The following CEP104 variants were observed in gnomAD, a reference collection of about 807,000 sequenced individuals.
CEP104 encodes the protein centrosomal protein of 104 kDa.
Under a neutral mutation model 113.3 loss-of-function variants are expected in CEP104, and 84 were observed. The observed-to-expected ratio is 0.74, with a 90% confidence interval of 0.62 to 0.89. The LOEUF (loss-of-function observed/expected upper bound fraction) is 0.89, where lower values mean the gene tolerates loss of function less well. Among genes scored for constraint, CEP104 ranks in the 40% least tolerant of loss-of-function variants. The pLI, the probability that CEP104 is intolerant of heterozygous loss-of-function variation, is 0.00. For missense variants in CEP104, 1,053 were observed against 1,156.6 expected (o/e 0.91, Z 1.30); for synonymous variants, 378 against 421.7 (o/e 0.90, Z 1.27).
intron 15 of CEP104, among the ~76,000 whole-genome samples, chr1:3,828,565 G>T (rs1049884265): frequency 1.3e-5 from 2 of 152,092 alleles, no homozygotes; most frequent in African/African-American, 4.8e-5. Context: ...ATAGCTCTGC[G>T]TGCACTGTGC....
chr1:3,855,665 T>G (rs187172732), intron 1 of CEP104, among the ~76,000 whole-genome samples: 39 of 152,346 alleles, frequency 2.6e-4, no homozygotes, highest in Admixed American at 1.6e-3. Flanking sequence ...GTCTGGTATT[T>G]GAAAAGGATT....
At chr1:3,846,626 C>T (rs2124689375) in intron 4 of CEP104, among the ~76,000 whole-genome samples, 1 of 152,206 alleles carries the variant, frequency 6.6e-6, no homozygotes, top group Middle Eastern at 3.4e-3. Flanking sequence ...TAAATACATG[C>T]AGGTGGGTGG....
At chr1:3,851,414 T>C (rs1285106020) in intron 2 of CEP104, among the ~76,000 whole-genome samples, 1 of 152,180 alleles carries the variant, frequency 6.6e-6, no homozygotes, top group Non-Finnish European at 1.5e-5. Flanking sequence ...TAAAATGCCA[T>C]ACATATTTAC....
In CEP104 at chr1:3,838,951, C is replaced by T; in HGVS notation, c.891+13G>A. 1.9e-6 allele frequency: 3 copies of T among 1,613,864 alleles called. No homozygotes were observed. The highest frequency in any genetic ancestry group is 1.7e-6 in the Non-Finnish European group (2 of 1,179,946). ...TAGGCTTTCCTCCACTCCGTCTGGG[C>T]TCCTGCACCCACCAGCTCGGCATCC... is the stretch of plus-strand genomic sequence containing the variant. On this transcript the variant is annotated intron_variant, in intron 8 of 21. Coordinates refer to ENST00000378230, the MANE Select transcript of CEP104 (RefSeq NM_014704.4).
chr1:3,839,800 T>C (rs773025004), intron 6 of CEP104, 24 bp from the exon 7 acceptor site: 3 of 1,597,730 alleles, frequency 1.9e-6, no homozygotes, highest in Non-Finnish European at 2.6e-6. Context: ...ATGCATATTT[T>C]AGAGATAATT....
Position 3,834,953 on chromosome 1 carries a change from C to A in CEP104, c.1457G>T (p.Arg486Ile). The A allele has an allele frequency of 6.2e-7, 1 of 1,602,410 alleles. No homozygotes were observed. Among genetic ancestry groups the A allele is most frequent in the Middle Eastern group, 1.7e-4 (1 of 6,054 alleles). The change falls in exon 11 of 22, where the codon AGA becomes ATA. Residue 486 changes from arginine (R) to isoleucine (I), a missense_variant. Arg to Ile is a moderately conservative substitution (Grantham distance 97). Transcript: ENST00000378230. ...GGTCACAATGTCCTTTATGGCTCTT[C>A]TAACGAGAAAGACGGATGCTCTCAG... ...NTLRASVFLVRRAIKDIVTSV... is the reference protein window; with the variant it reads ...NTLRASVFLVIRAIKDIVTSV...
At chr1:3,856,835 C>A (rs1412282134) in intron 1 of CEP104, 54 bp downstream of exon 1, 1 of 151,638 alleles carries the variant, frequency 6.6e-6, no homozygotes, top group Non-Finnish European at 1.5e-5. Flanking sequence ...CCGCGCCCCG[C>A]GCCCCGCTCC....
At chr1:3,822,998 C>T (rs1043700388) in intron 20 of CEP104, 176 bp downstream of exon 20, 15 of 646,502 alleles carry the variant, frequency 2.3e-5, no homozygotes, top group East Asian at 1.0e-4. Flanking sequence ...CATGTGAACA[C>T]GTAGGTAAAC....
At chr1:3,852,740 T>C (rs554962572) in intron 1 of CEP104, among the ~76,000 whole-genome samples, 1 of 152,332 alleles carries the variant, frequency 6.6e-6, no homozygotes, top group East Asian at 1.9e-4. Context: ...AGACCTCATT[T>C]GAAAATAGGG....
chr1:3,823,623 G>T lies in CEP104; in HGVS notation c.2365-61C>A. On this transcript the variant is annotated intron_variant, in intron 18 of 21. Transcript: ENST00000378230. The surrounding 1 kb of genome is among the most constrained non-coding windows in gnomAD (Gnocchi z 4.1). Reference sequence around the variant, plus strand: ...AGAAAGCGGCAGCGCCCTCCAGCCAGCCTGCAGAGCCTGTGAGCGCCTCCC... The same window carrying T: ...AGAAAGCGGCAGCGCCCTCCAGCCATCCTGCAGAGCCTGTGAGCGCCTCCC... 1 of 1,606,818 alleles carries T rather than the reference G, an allele frequency of 6.2e-7. No homozygotes were observed.
At chr1:3,850,801 G>C (rs897067914) in intron 2 of CEP104, among the ~76,000 whole-genome samples, 3 of 152,212 alleles carry the variant, frequency 2.0e-5, no homozygotes, top group South Asian at 2.1e-4. Context: ...GCACGTTACT[G>C]AAGTGAGTGT....
chr1:3,816,744 G>A (rs1386148849), intron 20 of CEP104, among the ~76,000 whole-genome samples: 1 of 152,252 alleles, frequency 6.6e-6, no homozygotes, highest in African/African-American at 2.4e-5. Context: ...AACGCGCCAG[G>A]CACCGCGGGC....
At chr1:3,850,338 TC>T (rs1644587332) in intron 2 of CEP104, among the ~76,000 whole-genome samples, 1 of 152,214 alleles carries the variant, frequency 6.6e-6, no homozygotes, top group Admixed American at 6.5e-5. Flanking sequence ...TATGCATTTA[TC>T]CCTTCAAGAT....
rs571640119 is a variant in CEP104 at position 3,829,709 on chromosome 1, A to G, written c.2043+82T>C. 117 of 1,418,562 alleles carry G rather than the reference A, an allele frequency of 8.2e-5. No homozygotes were observed. The African/African-American group carries it at 1.3e-3, about 16-fold the overall frequency. 87.9% of individuals were successfully genotyped at this position (1,418,562 alleles called of 1,614,324 possible). ...CATACATGTGGCTCCTTCAAATGACATATTTACTTATTTACGTACCGAGTA... is the reference window on the plus strand; with the variant it reads ...CATACATGTGGCTCCTTCAAATGACGTATTTACTTATTTACGTACCGAGTA... On this transcript the variant is annotated intron_variant, in intron 14 of 21. Transcript: ENST00000378230.
At position 3,812,341 on chromosome 1, in the gene CEP104, GAAAT is replaced by G. The variant is rs1213436202; in HGVS notation, c.*3057_*3060del. ...AATATCTTAACATATGAAAATAATA[GAAAT>G]AAATATTAAATATTCAGAACATACT... On this transcript the variant is annotated 3_prime_UTR_variant, in exon 22 of 22. Coordinates refer to ENST00000378230, the MANE Select transcript of CEP104 (RefSeq NM_014704.4). 6.6e-6 allele frequency: 1 copy of G among 151,996 alleles called. No individual in the cohort carries two copies. Among genetic ancestry groups the G allele is most frequent in the Admixed American group, 6.6e-5 (1 of 15,246 alleles). The allele number at this position is 151,996 out of a possible 1,614,324, so 9.4% of individuals were successfully genotyped here. A position where few individuals can be genotyped will look rare whatever the true frequency, so the allele number is the denominator to read the frequency against.
At chr1:3,849,495 G>T (rs12097923) in intron 2 of CEP104, among the ~76,000 whole-genome samples, 148,944 of 152,286 alleles carry the variant, frequency 0.98, 72,859 homozygotes, top group Middle Eastern at 1. Flanking sequence ...CCTCCCAAAG[G>T]GCTGTGATTA....
At chr1:3,829,630 G>A (rs561062414) in intron 14 of CEP104, 161 bp downstream of exon 14, 6 of 774,828 alleles carry the variant, frequency 7.7e-6, no homozygotes, top group African/African-American at 3.5e-5. Flanking sequence ...TGGAGCAGCC[G>A]GGATCTGAAT....
In CEP104 at chr1:3,853,444, G is replaced by T. The variant is rs79982919; in HGVS notation, c.-14-1023C>A. On this transcript the variant is annotated intron_variant, in intron 1 of 21. Coordinates refer to ENST00000378230, the MANE Select transcript of CEP104 (RefSeq NM_014704.4). ...CTCCTCACTAAACCAGGATAAAGAA[G>T]ACTCCATCAGAAAGTTCTCTGGGAT... Among the ~76,000 whole-genome samples the T allele has an allele frequency of 5.7e-3, 864 of 151,378 alleles. 8 individuals are homozygous for T. The highest frequency in any genetic ancestry group is 0.019 in the African/African-American group (805 of 41,322).
chr1:3,855,800 T>C (rs1485019621), intron 1 of CEP104: 2 of 689,950 alleles, frequency 2.9e-6, no homozygotes, highest in Admixed American at 6.3e-5. Context: ...TTAGGCTCTA[T>C]AAAAATCACC....
Sources: allele counts gnomAD v4.1 joint callset (sites outside exome capture counted in the v4.1 genomes callset), GRCh38; gene constraint gnomAD v4.1.1; non-coding constraint Gnocchi (gnomAD v3.1); transcripts MANE v1.5; gene names NCBI Gene and HGNC (gene_info 2026-07-23, HGNC 2026-07-21).